The following IGDCC3 variants were observed in gnomAD, a reference collection of about 807,000 sequenced individuals.
IGDCC3 encodes putative neuronal cell adhesion molecule.
IGDCC3 carries 47 observed loss-of-function variants against 72.0 expected under a neutral mutation model. The observed-to-expected ratio is 0.65, with a 90% CI of 0.52 to 0.83. IGDCC3 has a LOEUF of 0.83. IGDCC3 is among the 40% of genes least tolerant of loss of function. The pLI is 0.00. For missense variants in IGDCC3, 1,038 were observed against 1,091.3 expected (o/e 0.95, Z 0.69); for synonymous variants, 477 against 472.8 (o/e 1.01, Z -0.11).
At chr15:65,347,966 A>AAAC (rs2091139860) in intron 2 of IGDCC3, among the ~76,000 whole-genome samples, 1 of 150,610 alleles carries the variant, frequency 6.6e-6, no homozygotes, top group Non-Finnish European at 1.5e-5. Context: ...AACAACAACA[A>AAAC]AACAAACAAA....
At chr15:65,366,132 CG>C (rs2091287146) in intron 2 of IGDCC3, among the ~76,000 whole-genome samples, 1 of 148,752 alleles carries the variant, frequency 6.7e-6, no homozygotes, top group Non-Finnish European at 1.5e-5. Context: ...CATTTGAACC[CG>C]GGAGGTGGAG....
chr15:65,329,022 C>A lies in IGDCC3; in HGVS notation c.2332G>T (p.Gly778Cys). The A allele has an allele frequency of 6.2e-7, 1 of 1,612,274 alleles. No homozygotes were observed. Among genetic ancestry groups the A allele is most frequent in the South Asian group, 1.1e-5 (1 of 90,974 alleles). ...KTTEATAPCA[G>C]LAAAPPPPDG... The stretch of plus-strand genomic sequence containing the variant: ...GGGGGTGGTGGGGCAGCCGCCAGGC[C>A]GGCGCAGGGAGCCGTGGCCTCTGTG... Residue 778 changes from glycine to cysteine, a missense_variant, in exon 14 of 14, where the codon GGC becomes TGC. By Grantham distance (159) the Gly-to-Cys change is radical. Coordinates refer to ENST00000327987, the MANE Select transcript of IGDCC3 (RefSeq NM_004884.4). This position sits in a 1 kb window ranked among gnomAD's most constrained non-coding sequence, Gnocchi z 4.1.
intron 2 of IGDCC3, among the ~76,000 whole-genome samples, chr15:65,359,447 T>C (rs1595762175): frequency 6.6e-6 from 1 of 152,280 alleles, no homozygotes; most frequent in East Asian, 1.9e-4. Context: ...TCTGGAATCC[T>C]ACAAGTTTCT....
At chr15:65,342,766 C>A (rs1324528234) in intron 2 of IGDCC3, among the ~76,000 whole-genome samples, 1 of 152,220 alleles carries the variant, frequency 6.6e-6, no homozygotes, top group Admixed American at 6.5e-5. Context: ...AGGGCTGTCA[C>A]GCTGCAGGGC....
At chr15:65,338,585 G>C (rs1208340342) in intron 2 of IGDCC3, among the ~76,000 whole-genome samples, 1 of 20,304 alleles carries the variant, frequency 4.9e-5, no homozygotes, top group African/African-American at 2.4e-4. Context: ...GTCCAGGAAG[G>C]GCAGGTGCAA....
At chr15:65,338,789 C>A (rs577106951) in intron 2 of IGDCC3, among the ~76,000 whole-genome samples, 1 of 152,358 alleles carries the variant, frequency 6.6e-6, no homozygotes, top group African/African-American at 2.4e-5. Flanking sequence ...TCCAGCCCTG[C>A]CTCCTCATCT....
At chr15:65,344,412 T>TC (rs1240035192) in intron 2 of IGDCC3, among the ~76,000 whole-genome samples, 2 of 151,724 alleles carry the variant, frequency 1.3e-5, no homozygotes, top group East Asian at 1.9e-4. Context: ...AGCTCACCAC[T>TC]CCCCCGCACC....
intron 2 of IGDCC3, among the ~76,000 whole-genome samples, chr15:65,348,168 G>A (rs2091141916): frequency 6.6e-6 from 1 of 152,130 alleles, no homozygotes; most frequent in Admixed American, 6.6e-5. Flanking sequence ...TCCACCCCTT[G>A]TTTAGCATAT....
intron 2 of IGDCC3, among the ~76,000 whole-genome samples, chr15:65,346,991 G>A (rs1247110975): frequency 6.6e-6 from 1 of 152,142 alleles, no homozygotes; most frequent in African/African-American, 2.4e-5. Context: ...ACTTGAAAAT[G>A]TCCAGACCCA....
rs1454719478 is a variant in IGDCC3 at position 65,331,436 on chromosome 15, C to T, written c.1372G>A (p.Val458Ile). 7.5e-6 allele frequency: 12 copies of T among 1,609,978 alleles called. No individual in the cohort carries two copies. Among genetic ancestry groups the T allele is most frequent in the Non-Finnish European group, 7.6e-6 (9 of 1,177,808 alleles). ...CCAGCAGCCTTCCTGATGTGCAGGA[C>T]GTAGCCGATGATCTCCTTGGTGTTG... Reference protein sequence around the residue: ...LANTKEIIGYVLHIRKAADPP... With the variant: ...LANTKEIIGYILHIRKAADPP... The change falls in exon 8 of 14, where the codon GTC becomes ATC. Residue 458 changes from valine to isoleucine, a missense_variant. By Grantham distance (29) the Val-to-Ile change is conservative. Transcript: ENST00000327987.
At chr15:65,345,422 C>T (rs571392765) in intron 2 of IGDCC3, among the ~76,000 whole-genome samples, 6 of 152,126 alleles carry the variant, frequency 3.9e-5, no homozygotes, top group Admixed American at 2.0e-4. Flanking sequence ...GGTATGGTGG[C>T]GTGTGCCTGT....
Position 65,333,365 on chromosome 15 carries a change from G to A in IGDCC3, c.874C>T (p.Leu292Phe). 6.2e-7 allele frequency: 1 copy of A among 1,611,940 alleles called. No individual in the cohort carries two copies. The highest frequency in any genetic ancestry group is 8.5e-7 in the Non-Finnish European group (1 of 1,179,032). Residue 292 changes from leucine (L) to phenylalanine (F), a missense_variant, in exon 6 of 14, where the codon CTC becomes TTC. Leu to Phe is a conservative substitution (Grantham distance 22). Transcript: ENST00000327987. ...TGGACCGTCACGTCTGAGATGATGA[G>A]GTTTCCTGTGCCCAGCACCTGGATG... ...EGIQVLGTGN[L>F]IISDVTVQHS...
chr15:65,364,305 C>T (rs1319125445), intron 2 of IGDCC3, among the ~76,000 whole-genome samples: 1 of 152,190 alleles, frequency 6.6e-6, no homozygotes, highest in Admixed American at 6.5e-5. Flanking sequence ...TTCGTTTACT[C>T]ATCTGTAAAA....
At chr15:65,333,496 C>T in intron 5 of IGDCC3, 81 bp from the exon 6 acceptor site, 1 of 1,340,238 alleles carries the variant, frequency 7.5e-7, no homozygotes, top group Non-Finnish European at 1.0e-6. Flanking sequence ...TTCCAGATGG[C>T]TTGCCCTTCC....
chr15:65,368,312 G>A (rs2091301965), intron 2 of IGDCC3, among the ~76,000 whole-genome samples: 1 of 151,956 alleles, frequency 6.6e-6, no homozygotes, highest in Non-Finnish European at 1.5e-5. Context: ...GGGTTAAGGG[G>A]GGCTGGGGGC....
At chr15:65,370,645 T>TATATATAA (rs1567073060) in intron 2 of IGDCC3, among the ~76,000 whole-genome samples, 1 of 141,574 alleles carries the variant, frequency 7.1e-6, no homozygotes, top group East Asian at 2.0e-4. Context: ...TATATATATA[T>TATATATAA]ATAAAATTAG....
chr15:65,375,436 G>A lies in IGDCC3; in HGVS notation c.104-34C>T, dbSNP rs1050323717. 3 of 1,532,380 alleles carry A rather than the reference G, an allele frequency of 2.0e-6. No individual in the cohort carries two copies. In the Admixed American group the frequency reaches 5.5e-5, roughly 28 times the overall value. 94.9% of individuals were successfully genotyped at this position (1,532,380 alleles called of 1,614,324 possible). A position where few individuals can be genotyped will look rare whatever the true frequency, so the allele number is the denominator to read the frequency against. On this transcript the variant is annotated intron_variant, in intron 1 of 13. Transcript: ENST00000327987. Reference sequence around the variant, plus strand: ...GGGAAGGGGAGATGGAAGGAAATAGGGGTGTTAGTATGAAATGAACATCCA... The same window carrying A: ...GGGAAGGGGAGATGGAAGGAAATAGAGGTGTTAGTATGAAATGAACATCCA...
At chr15:65,337,432 T>C (rs1418127717) in intron 2 of IGDCC3, among the ~76,000 whole-genome samples, 1 of 152,106 alleles carries the variant, frequency 6.6e-6, no homozygotes, top group Non-Finnish European at 1.5e-5. Flanking sequence ...TGTGTACCTC[T>C]GGTTCTGTGC....
intron 2 of IGDCC3, among the ~76,000 whole-genome samples, chr15:65,342,847 G>GTGTT (rs545140470): frequency 2.6e-5 from 4 of 152,220 alleles, no homozygotes; most frequent in African/African-American, 9.6e-5. Flanking sequence ...GTTTGCTTTT[G>GTGTT]TGTTTGTTTG....
Sources: allele counts gnomAD v4.1 joint callset (sites outside exome capture counted in the v4.1 genomes callset), GRCh38; gene constraint gnomAD v4.1.1; non-coding constraint Gnocchi (gnomAD v3.1); transcripts MANE v1.5; gene names NCBI Gene and HGNC (gene_info 2026-07-23, HGNC 2026-07-21).